Variants in RFPL2 observed in about 807,000 individuals in gnomAD.
The protein encoded by RFPL2 is ret finger protein-like 2.
Under a neutral mutation model 17.8 loss-of-function variants are expected in RFPL2, and 13 were observed. That is an observed-to-expected ratio of 0.73 (90% CI 0.47 to 1.16). The LOEUF (loss-of-function observed/expected upper bound fraction) is 1.16, where lower values mean the gene tolerates loss of function less well. Ranked by LOEUF, RFPL2 falls within the 50% of genes most tolerant of loss-of-function variation. RFPL2 has a pLI of 0.00. For missense variants in RFPL2, 431 were observed against 479.3 expected (o/e 0.90, Z 0.94); for synonymous variants, 189 against 180.9 (o/e 1.04, Z -0.36).
chr22:32,192,913 C>G lies in RFPL2; in HGVS notation c.545G>C (p.Arg182Pro), dbSNP rs1315370595. ...TACAGATGCCTTACCTTGGAACTTC[C>G]GCATCCTTGGGTTCATCTGCAGAAT... Reference protein sequence around the residue: ...KKILQMNPRMRKFQVDMTLDA... With the variant: ...KKILQMNPRMPKFQVDMTLDA... Residue 182 changes from arginine (R) to proline (P), a missense_variant, in exon 4 of 5, where the codon CGG becomes CCG. By Grantham distance (103) the Arg-to-Pro change is moderately radical (BLOSUM62 -2). Coordinates refer to ENST00000652607, the MANE Select transcript of RFPL2 (RefSeq NM_001394555.1). The G allele has an allele frequency of 6.2e-7, 1 of 1,611,564 alleles. No individual in the cohort carries two copies. The highest frequency in any genetic ancestry group is 2.2e-5 in the East Asian group (1 of 44,878).
At chr22:32,202,878 C>T in intron 1 of RFPL2, 1 of 1,024,110 alleles carries the variant, frequency 9.8e-7, no homozygotes. Flanking sequence ...GGCCCTGTAG[C>T]CTCCTCGTGT....
chr22:32,197,318 G>A (rs1923434604), intron 2 of RFPL2, among the ~76,000 whole-genome samples: 1 of 152,086 alleles, frequency 6.6e-6, no homozygotes, highest in South Asian at 2.1e-4. Flanking sequence ...GACCCAGAGG[G>A]TGGTTAAAGG....
chr22:32,198,859 G>GC lies in RFPL2; in HGVS notation c.119+3473dup, dbSNP rs1369499302. ...TCTGTCTGTCCATCTGTCTGTCAGG[G>GC]CCAGGTTGCTTCCCTAAAACTTGCT... On this transcript the variant is annotated intron_variant, in intron 2 of 4. Coordinates refer to ENST00000652607, the MANE Select transcript of RFPL2 (RefSeq NM_001394555.1). Among the ~76,000 whole-genome samples, 3 of 152,104 alleles carry GC rather than the reference G, an allele frequency of 2.0e-5. No individual in the cohort carries two copies. In the East Asian group the frequency reaches 5.8e-4, roughly 29 times the overall value.
chr22:32,193,290 G>T, intron 3 of RFPL2, 98 bp from the exon 4 acceptor site: 1 of 1,602,096 alleles, frequency 6.2e-7, no homozygotes, highest in Non-Finnish European at 8.5e-7. Flanking sequence ...GAGGTATTGT[G>T]TTCCAGCTTT....
chr22:32,203,587 C>A (rs1924200197), intron 1 of RFPL2: 1 of 152,144 alleles, frequency 6.6e-6, no homozygotes, highest in African/African-American at 2.4e-5. Context: ...GCCTCCCCAC[C>A]CAGCCACTGG....
At chr22:32,192,707 G>A (rs1432457419) in intron 4 of RFPL2, among the ~76,000 whole-genome samples, 195 bp downstream of exon 4, 1 of 152,176 alleles carries the variant, frequency 6.6e-6, no homozygotes, top group African/African-American at 2.4e-5. Context: ...CATAGACATC[G>A]GGTTTTTGTT....
At position 32,202,482 on chromosome 22, in the gene RFPL2, G is replaced by T; in HGVS notation, c.-31C>A. ...GCAAATCATGGTGCCACAGGCTCTA[G>T]CCTCCAGCCCGTGGCATGTAGCTCC... is the stretch of plus-strand genomic sequence containing the variant. On this transcript the variant is annotated 5_prime_UTR_variant, in exon 2 of 5. Transcript: ENST00000652607. 6.4e-7 allele frequency: 1 copy of T among 1,563,140 alleles called. No homozygotes were observed.
chr22:32,190,598 A>G lies in RFPL2; in HGVS notation c.*174T>C. The G allele has an allele frequency of 3.6e-6, 2 of 558,996 alleles. No homozygotes were observed. The highest frequency in any genetic ancestry group is 5.7e-6 in the Non-Finnish European group (2 of 350,072). The allele number at this position is 558,996 out of a possible 1,614,324, so 34.6% of individuals were successfully genotyped here. A position where few individuals can be genotyped will look rare whatever the true frequency, so the allele number is the denominator to read the frequency against. On this transcript the variant is annotated 3_prime_UTR_variant, in exon 5 of 5. Coordinates refer to ENST00000652607, the MANE Select transcript of RFPL2 (RefSeq NM_001394555.1). Reference sequence around the variant, plus strand: ...GGACTCAATGAGTTTGATGGTGGCAATAATTAATACTTAGGACTCTATAAT... The same window carrying G: ...GGACTCAATGAGTTTGATGGTGGCAGTAATTAATACTTAGGACTCTATAAT...
intron 1 of RFPL2, among the ~76,000 whole-genome samples, chr22:32,203,677 C>A (rs1375312495): frequency 6.6e-6 from 1 of 151,786 alleles, no homozygotes; most frequent in Non-Finnish European, 1.5e-5. Context: ...CAACCAGCCC[C>A]CAGCCATGGG....
At chr22:32,202,948 G>C (rs1423592107) in intron 1 of RFPL2, 1 of 986,230 alleles carries the variant, frequency 1.0e-6, no homozygotes, top group Non-Finnish European at 1.2e-6. Context: ...ATAGGAGGCG[G>C]GTCCAGGAAG....
At chr22:32,201,186 C>A (rs991774857) in intron 2 of RFPL2, among the ~76,000 whole-genome samples, 1 of 151,924 alleles carries the variant, frequency 6.6e-6, no homozygotes, top group Non-Finnish European at 1.5e-5. Flanking sequence ...TACAGGCGCC[C>A]ACCACCACAC....
At chr22:32,199,911 A>C (rs1923737680) in intron 2 of RFPL2, 2 of 478,696 alleles carry the variant, frequency 4.2e-6, no homozygotes, top group East Asian at 5.1e-5. Context: ...CCGCTCGCCC[A>C]CTCACAGGCC....
At chr22:32,198,923 A>G (rs924119663) in intron 2 of RFPL2, among the ~76,000 whole-genome samples, 1 of 152,164 alleles carries the variant, frequency 6.6e-6, no homozygotes, top group African/African-American at 2.4e-5. Flanking sequence ...TGTCTGCCTA[A>G]TGAGCTTTAT....
chr22:32,200,703 C>T (rs930500522), intron 2 of RFPL2, among the ~76,000 whole-genome samples: 6 of 152,126 alleles, frequency 3.9e-5, no homozygotes, highest in African/African-American at 7.2e-5. Context: ...CCACCCACCA[C>T]GGCCTCTGTT....
At chr22:32,198,783 C>T (rs547379523) in intron 2 of RFPL2, among the ~76,000 whole-genome samples, 102 of 152,200 alleles carry the variant, frequency 6.7e-4, no homozygotes, top group African/African-American at 2.4e-3. Flanking sequence ...ACCCCTTCAC[C>T]TCTGACCTCA....
rs367766110 is a variant in RFPL2, at chr22:32,191,035, C to T, written c.874G>A (p.Val292Met). ...RDGGRLSATTVPLTFLFVDRK... is the reference protein window; with the variant it reads ...RDGGRLSATTMPLTFLFVDRK... Reference sequence around the variant, plus strand: ...TCTACGAAGAGGAAAGTCAGCGGCACCGTGGTGGCAGAGAGGCGGCCTCCA... The same window carrying T: ...TCTACGAAGAGGAAAGTCAGCGGCATCGTGGTGGCAGAGAGGCGGCCTCCA... The change falls in exon 5 of 5, where the codon GTG (valine) becomes ATG (methionine). Residue 292 changes from valine (V) to methionine (M), a missense_variant. Transcript: ENST00000652607. The T allele has an allele frequency of 9.3e-6, 15 of 1,613,754 alleles. No individual in the cohort carries two copies. Among genetic ancestry groups the T allele is most frequent in the African/African-American group, 4.0e-5 (3 of 74,868 alleles).
chr22:32,199,934 C>T (rs977556957), intron 2 of RFPL2: 3 of 532,272 alleles, frequency 5.6e-6, no homozygotes, highest in Non-Finnish European at 1.1e-5. Context: ...CCCAAGGCCA[C>T]CCCCTCGGTC....
At position 32,192,947 on chromosome 22, in the gene RFPL2, G is replaced by T. The variant is rs549850295; in HGVS notation, c.511C>A (p.Leu171Met). ...GGGTTCATCTGCAGAATCTTCTTCA[G>T]CTTGGGCTCCAGTTCCTTGATGTGG... ...ASHIKELEPK[L>M]KKILQMNPRM... Residue 171 changes from leucine to methionine, a missense_variant, in exon 4 of 5, where the codon CTG becomes ATG. By Grantham distance (15) the Leu-to-Met change is conservative. Transcript: ENST00000652607. The T allele has an allele frequency of 1.1e-5, 18 of 1,614,158 alleles. No homozygotes were observed. In the African/African-American group the frequency reaches 2.1e-4, roughly 19 times the overall value.
chr22:32,202,743 C>A (rs1280808852), intron 1 of RFPL2, 193 bp from the exon 2 acceptor site: 1 of 1,172,262 alleles, frequency 8.5e-7, no homozygotes, highest in African/African-American at 1.6e-5. Flanking sequence ...CTTCCCACTC[C>A]ACAGGAACAG....
Sources: gnomAD v4.1 joint callset for allele counts (sites outside exome capture counted in the v4.1 genomes callset) on GRCh38, gnomAD v4.1.1 for gene constraint, MANE v1.5 for transcripts, NCBI Gene and HGNC (gene_info 2026-07-23, HGNC 2026-07-21) for gene names.